Variants in XPNPEP3 observed in about 807,000 individuals in gnomAD.
XPNPEP3 encodes the protein X-prolyl aminopeptidase 3, also known as xaa-Pro aminopeptidase 3.
XPNPEP3 carries 41 observed loss-of-function variants against 60.0 expected under a neutral mutation model. The ratio of observed to expected loss-of-function variants is 0.68; its 90% CI spans 0.53 to 0.89. The LOEUF (loss-of-function observed/expected upper bound fraction) is 0.89. Ranked by LOEUF, XPNPEP3 falls within the 40% of genes least tolerant of loss-of-function variation. The pLI is 0.00. For synonymous variants in XPNPEP3, 212 were observed against 223.2 expected (o/e 0.95, Z 0.45); for missense variants, 598 against 638.9 (o/e 0.94, Z 0.69).
chr22:40,924,743 G>A (rs888183871), intron 9 of XPNPEP3, among the ~76,000 whole-genome samples: 3 of 152,044 alleles, frequency 2.0e-5, no homozygotes, highest in Middle Eastern at 3.2e-3. Flanking sequence ...GGCTGGTCTC[G>A]AACTCCTGAC....
intron 1 of XPNPEP3, among the ~76,000 whole-genome samples, chr22:40,864,838 A>G (rs2057970139): frequency 6.6e-6 from 1 of 152,104 alleles, no homozygotes. Flanking sequence ...TGTGATTAAG[A>G]CTGCCTTAAC....
intron 7 of XPNPEP3, 83 bp from the exon 8 acceptor site, chr22:40,922,250 G>C: frequency 6.5e-7 from 1 of 1,536,146 alleles, no homozygotes; most frequent in Non-Finnish European, 8.9e-7. Context: ...AGCATCTTGG[G>C]GTTTTTCTAA....
intron 9 of XPNPEP3, 36 bp downstream of exon 9, chr22:40,924,518 A>C (rs747660950): frequency 4.3e-6 from 7 of 1,612,482 alleles, no homozygotes; most frequent in Admixed American, 1.7e-5. Context: ...TATGAGGTAA[A>C]TGTTTGTTTG....
At chr22:40,888,487 G>T (rs918167441) in intron 4 of XPNPEP3, 2 of 386,750 alleles carry the variant, frequency 5.2e-6, no homozygotes, top group Non-Finnish European at 1.1e-5. Flanking sequence ...CAAGCAGTCC[G>T]CCCACCTTGA....
At position 40,932,304 on chromosome 22, in the gene XPNPEP3, C is replaced by G. The variant is rs977056528; in HGVS notation, c.*5869C>G. 3 of 151,742 alleles carry G rather than the reference C, an allele frequency of 2.0e-5. No homozygotes were observed. The highest frequency in any genetic ancestry group is 7.3e-5 in the African/African-American group (3 of 41,318). The allele number at this position is 151,742 out of a possible 1,614,324, so 9.4% of individuals were successfully genotyped here. A position where few individuals can be genotyped will look rare whatever the true frequency, so the allele number is the denominator to read the frequency against. ...CACAGACAGTAGCAACATAAAGGAA[C>G]CTGCTTAGAAGAGGTTTTTATGGTG... is the stretch of plus-strand genomic sequence containing the variant. On this transcript the variant is annotated 3_prime_UTR_variant, in exon 10 of 10. Transcript: ENST00000357137.
intron 4 of XPNPEP3, among the ~76,000 whole-genome samples, chr22:40,897,212 T>C (rs1569025132): frequency 1.3e-5 from 2 of 152,004 alleles, no homozygotes; most frequent in Admixed American, 1.3e-4. Context: ...GTATTTTTAG[T>C]AGAGATGGGG....
In XPNPEP3 at chr22:40,927,720, A is replaced by C. The variant is rs1345251163; in HGVS notation, c.*1285A>C. 1 of 151,358 alleles carries C rather than the reference A, an allele frequency of 6.6e-6. No homozygotes were observed. The highest frequency in any genetic ancestry group is 2.0e-4 in the East Asian group (1 of 5,108). The allele number at this position is 151,358 out of a possible 1,614,324, so 9.4% of individuals were successfully genotyped here. ...AACCCCGTCTTTACTAAAAATACAA[A>C]AAAAATTAGCTGGGCGTGGTGGCGG... On this transcript the variant is annotated 3_prime_UTR_variant, in exon 10 of 10. Coordinates refer to ENST00000357137, the MANE Select transcript of XPNPEP3 (RefSeq NM_022098.4).
rs561181644 is a variant in XPNPEP3, at chr22:40,932,641, T to C, written c.*6206T>C. ...AAGAATCTGAGAAAACTTCAATCTT[T>C]ACCAGCATTTCTTAATGCTTTCCAT... is the stretch of plus-strand genomic sequence containing the variant. On this transcript the variant is annotated 3_prime_UTR_variant, in exon 10 of 10. Coordinates refer to ENST00000357137, the MANE Select transcript of XPNPEP3 (RefSeq NM_022098.4). The C allele has an allele frequency of 2.0e-4, 31 of 152,312 alleles. No homozygotes were observed. Among genetic ancestry groups the C allele is most frequent in the African/African-American group, 7.5e-4 (31 of 41,578 alleles). 9.4% of individuals were successfully genotyped at this position (152,312 alleles called of 1,614,324 possible).
At chr22:40,858,823 C>T (rs1331723618) in intron 1 of XPNPEP3, among the ~76,000 whole-genome samples, 3 of 152,204 alleles carry the variant, frequency 2.0e-5, no homozygotes, top group African/African-American at 7.2e-5. Flanking sequence ...AGCCACCGCG[C>T]CCGGCTTAGG....
In XPNPEP3 at chr22:40,915,105, G is replaced by A. The variant is rs944256565; in HGVS notation, c.1055+781G>A. On this transcript the variant is annotated intron_variant, in intron 7 of 9. Transcript: ENST00000357137. Reference sequence around the variant, plus strand: ...CTCGCTCTGGCACCCAGGCTGGAGTGCAGTGGCATGATCTCGGCTCACTGC... The same window carrying A: ...CTCGCTCTGGCACCCAGGCTGGAGTACAGTGGCATGATCTCGGCTCACTGC... Among the ~76,000 whole-genome samples, 5 of 142,762 alleles carry A rather than the reference G, an allele frequency of 3.5e-5. No homozygotes were observed. In the East Asian group the frequency reaches 8.5e-4, roughly 24 times the overall value. The allele number at this position is 142,762 out of a possible 152,430, so 93.7% of individuals were successfully genotyped here. A position where few individuals can be genotyped will look rare whatever the true frequency, so the allele number is the denominator to read the frequency against.
intron 1 of XPNPEP3, chr22:40,861,539 T>C (rs1269678918): frequency 6.2e-6 from 10 of 1,613,546 alleles, no homozygotes; most frequent in Non-Finnish European, 6.8e-6. Flanking sequence ...CTGTATCATA[T>C]GAAGAAAATT....
chr22:40,898,224 C>CTTTTTTTT (rs1405343173), intron 4 of XPNPEP3, among the ~76,000 whole-genome samples: 13 of 70,256 alleles, frequency 1.9e-4, no homozygotes, highest in African/African-American at 3.1e-4. Context: ...GTCTTTGACC[C>CTTTTTTTT]ATTTTTTTTT....
At chr22:40,869,583 A>G (rs987455917) in intron 2 of XPNPEP3, among the ~76,000 whole-genome samples, 3 of 152,222 alleles carry the variant, frequency 2.0e-5, no homozygotes, top group African/African-American at 7.2e-5. Flanking sequence ...TTCTATATAG[A>G]TTAAGCAAGA....
intron 8 of XPNPEP3, among the ~76,000 whole-genome samples, chr22:40,923,555 G>C (rs1033560254): frequency 2.6e-5 from 4 of 151,838 alleles, no homozygotes; most frequent in African/African-American, 9.7e-5. Flanking sequence ...ACTAACTGAC[G>C]GAAATATCCA....
At position 40,932,000 on chromosome 22, in the gene XPNPEP3, C is replaced by T. The variant is rs2058256406; in HGVS notation, c.*5565C>T. Reference sequence around the variant, plus strand: ...GTTATGTCTTTCCAAATATCCACACCCACACCCTGTTCAGCTTTGTTAATA... The same window carrying T: ...GTTATGTCTTTCCAAATATCCACACTCACACCCTGTTCAGCTTTGTTAATA... On this transcript the variant is annotated 3_prime_UTR_variant, in exon 10 of 10. Transcript: ENST00000357137. 6.6e-6 allele frequency: 1 copy of T among 152,082 alleles called. No individual in the cohort carries two copies. The highest frequency in any genetic ancestry group is 2.1e-4 in the South Asian group (1 of 4,830). The allele number at this position is 152,082 out of a possible 1,614,324, so 9.4% of individuals were successfully genotyped here. A position where few individuals can be genotyped will look rare whatever the true frequency, so the allele number is the denominator to read the frequency against.
rs747717301 is a variant in XPNPEP3, at chr22:40,888,388, T to C, written c.792+1873T>C. Reference sequence around the variant, plus strand: ...CCTCCCAAGTAGCTGGGACCATTGGTGCATGCCACTATGCCTGCTAATTTT... The same window carrying C: ...CCTCCCAAGTAGCTGGGACCATTGGCGCATGCCACTATGCCTGCTAATTTT... On this transcript the variant is annotated intron_variant, in intron 4 of 9. Coordinates refer to ENST00000357137, the MANE Select transcript of XPNPEP3 (RefSeq NM_022098.4). 6.9e-5 allele frequency: 30 copies of C among 436,496 alleles called. 1 individual carries two copies. Among genetic ancestry groups the C allele is most frequent in the South Asian group, 4.6e-4 (28 of 60,882 alleles). 27.0% of individuals were successfully genotyped at this position (436,496 alleles called of 1,614,324 possible).
intron 3 of XPNPEP3, 66 bp from the exon 4 acceptor site, chr22:40,886,247 G>T: frequency 6.6e-7 from 1 of 1,520,454 alleles, no homozygotes; most frequent in South Asian, 1.1e-5. Flanking sequence ...AAGTCGTTAT[G>T]ACAGTTGATA....
chr22:40,879,827 G>T (rs375530567), intron 2 of XPNPEP3, among the ~76,000 whole-genome samples: 2 of 151,754 alleles, frequency 1.3e-5, no homozygotes, highest in Admixed American at 6.6e-5. Flanking sequence ...GGGTGACAGA[G>T]CAAGACTCTT....
At chr22:40,860,982 AGT>A in intron 1 of XPNPEP3, 68 of 1,290,574 alleles carry the variant, frequency 5.3e-5, no homozygotes, top group Non-Finnish European at 6.3e-5. Flanking sequence ...CTCTTAGTAT[AGT>A]ATTAAGTGTT....
Sources: gnomAD v4.1 joint callset for allele counts (sites outside exome capture counted in the v4.1 genomes callset) on GRCh38, gnomAD v4.1.1 for gene constraint, MANE v1.5 for transcripts, NCBI Gene and HGNC (gene_info 2026-07-23, HGNC 2026-07-21) for gene names.